The following ZNF329 variants were observed in gnomAD, a reference collection of about 807,000 sequenced individuals.
ZNF329 encodes zinc finger protein 329.
A neutral mutation model predicts 26.6 loss-of-function variants in ZNF329; 15 were observed. The observed-to-expected ratio is 0.56, with a 90% CI of 0.38 to 0.87. The LOEUF is 0.87. Among genes scored for constraint, ZNF329 ranks in the 40% least tolerant of loss-of-function variants. The pLI is 0.00. For synonymous variants in ZNF329, 239 were observed against 233.5 expected, an observed-to-expected ratio of 1.02 and a Z score of -0.21; for missense variants, 651 against 651.9, an observed-to-expected ratio of 1.00 and a Z score of 0.02.
chr19:58,138,347 G>A (rs190024286), intron 3 of ZNF329, among the ~76,000 whole-genome samples: 2 of 152,310 alleles, frequency 1.3e-5, no homozygotes, highest in Middle Eastern at 3.4e-3. Flanking sequence ...TAGGGTCATA[G>A]GAAATTAATG....
rs1335729765 is a variant in ZNF329 at position 58,144,384 on chromosome 19, A to ATCTATCTATC, written c.-207-1187_-207-1186insGATAGATAGA. On this transcript the variant is annotated intron_variant, in intron 1 of 3. Coordinates refer to ENST00000598312, the MANE Select transcript of ZNF329 (RefSeq NM_024620.4). Reference sequence around the variant, plus strand: ...TCTATCTATCTATCTATCTATCTATATATATATATATATTTTTTTTTTGAG... The same window carrying ATCTATCTATC: ...TCTATCTATCTATCTATCTATCTATATCTATCTATCTATATATATATATTTTTTTTTTGAG... Among the ~76,000 whole-genome samples, 567 of 75,066 alleles carry ATCTATCTATC rather than the reference A, an allele frequency of 7.6e-3. 2 individuals are homozygous for ATCTATCTATC. The highest frequency in any genetic ancestry group is 0.016 in the Middle Eastern group (2 of 122). The allele number at this position is 75,066 out of a possible 152,430, so 49.2% of individuals were successfully genotyped here. A position where few individuals can be genotyped will look rare whatever the true frequency, so the allele number is the denominator to read the frequency against.
At chr19:58,149,809 G>A (rs924040324) in intron 1 of ZNF329, among the ~76,000 whole-genome samples, 1 of 152,076 alleles carries the variant, frequency 6.6e-6, no homozygotes, top group Non-Finnish European at 1.5e-5. Flanking sequence ...AATGGTACAG[G>A]GAATATCTGT....
chr19:58,133,055 G>A (rs1006184818), intron 3 of ZNF329, among the ~76,000 whole-genome samples: 3 of 151,978 alleles, frequency 2.0e-5, no homozygotes, highest in Admixed American at 1.3e-4. Context: ...CTCGTGATCC[G>A]CCCGCCTCAG....
At position 58,128,467 on chromosome 19, in the gene ZNF329, C is replaced by G. The variant is rs757639905; in HGVS notation, c.1037G>C (p.Ser346Thr). Residue 346 changes from serine (S) to threonine (T), a missense_variant, in exon 4 of 4, where the codon AGC becomes ACC. Ser to Thr is a moderately conservative substitution (Grantham distance 58). Coordinates refer to ENST00000598312, the MANE Select transcript of ZNF329 (RefSeq NM_024620.4). ...IHTGEKPYEC[S>T]KCGKAFRDGS... ...GTCCCGGAAAGCCTTTCCACATTTG[C>G]TACACTCATAGGGCTTCTCACCGGT... 4 of 1,612,324 alleles carry G rather than the reference C, an allele frequency of 2.5e-6. No individual in the cohort carries two copies. In the South Asian group the frequency reaches 4.4e-5, roughly 18 times the overall value.
At chr19:58,146,833 G>A (rs948945265) in intron 1 of ZNF329, among the ~76,000 whole-genome samples, 1 of 151,820 alleles carries the variant, frequency 6.6e-6, no homozygotes, top group Non-Finnish European at 1.5e-5. Context: ...GATTGCAGAC[G>A]GAGTCTGGTT....
In ZNF329 at chr19:58,128,251, T is replaced by G; in HGVS notation, c.1253A>C (p.Gln418Pro). Residue 418 changes from glutamine to proline, a missense_variant, in exon 4 of 4, where the codon CAG (glutamine) becomes CCG (proline). By Grantham distance (76) the Gln-to-Pro change is moderately conservative (BLOSUM62 -1). Coordinates refer to ENST00000598312, the MANE Select transcript of ZNF329 (RefSeq NM_024620.4). ...GGGCTTCTCGCCAGTATGAATCCTCTGATGCCTGATGAGGTACGCACTCTC... is the reference window on the plus strand; with the variant it reads ...GGGCTTCTCGCCAGTATGAATCCTCGGATGCCTGATGAGGTACGCACTCTC... Reference protein sequence around the residue: ...FIESAYLIRHQRIHTGEKPYG... With the variant: ...FIESAYLIRHPRIHTGEKPYG... 6.2e-7 allele frequency: 1 copy of G among 1,601,184 alleles called. No individual in the cohort carries two copies. The highest frequency in any genetic ancestry group is 8.5e-7 in the Non-Finnish European group (1 of 1,173,406).
At chr19:58,154,494 G>C (rs2075510441), upstream of ZNF329, among the ~76,000 whole-genome samples, 2 of 152,164 alleles carry the variant, frequency 1.3e-5, no homozygotes, top group Admixed American at 1.3e-4. Flanking sequence ...TCTTCTTTCT[G>C]GTTGGTCTCC....
In ZNF329 at chr19:58,128,760, C is replaced by G; in HGVS notation, c.744G>C (p.Val248=). ...KSFSKNYNLI[V]HQRIHTGEKP... ...TCTCTCCTGTGTGGATTCTTTGATG[C>G]ACAATCAGGTTGTAGTTCTTGGAGA... The change falls in exon 4 of 4, where the codon GTG becomes GTC. Residue 248 remains valine (V), a synonymous_variant. Transcript: ENST00000598312. 6.2e-7 allele frequency: 1 copy of G among 1,603,228 alleles called. No homozygotes were observed. The highest frequency in any genetic ancestry group is 8.5e-7 in the Non-Finnish European group (1 of 1,175,196).
rs2075041534 is a variant in ZNF329, at chr19:58,135,385, C to A, written c.-8-5874G>T. Among the ~76,000 whole-genome samples, 3 of 152,156 alleles carry A rather than the reference C, an allele frequency of 2.0e-5. No individual in the cohort carries two copies. In the South Asian group the frequency reaches 6.2e-4, roughly 32 times the overall value. ...TCCCGGGTTCAAGCAGTTCTCCTGC[C>A]TCAGCCTCCCGAGATGGGATTACAG... On this transcript the variant is annotated intron_variant, in intron 3 of 3. Transcript: ENST00000598312.
Position 58,129,576 on chromosome 19 carries a change from T to C in ZNF329, c.-8-65A>G, listed in dbSNP as rs898975713. The C allele has an allele frequency of 5.2e-6, 7 of 1,341,440 alleles. No homozygotes were observed. In the African/African-American group the frequency reaches 8.8e-5, roughly 17 times the overall value. 83.1% of individuals were successfully genotyped at this position (1,341,440 alleles called of 1,614,324 possible). ...CTTTATCTGTAAGAGAAACAGACAA[T>C]GATGATGGGCTAGGTGTAAAGATGT... On this transcript the variant is annotated intron_variant, in intron 3 of 3. Coordinates refer to ENST00000598312, the MANE Select transcript of ZNF329 (RefSeq NM_024620.4).
In ZNF329 at chr19:58,127,778, A is replaced by G; in HGVS notation, c.*100T>C. 2 of 1,183,586 alleles carry G rather than the reference A, an allele frequency of 1.7e-6. No homozygotes were observed. Among genetic ancestry groups the G allele is most frequent in the Non-Finnish European group, 2.4e-6 (2 of 836,006 alleles). The allele number at this position is 1,183,586 out of a possible 1,614,324, so 73.3% of individuals were successfully genotyped here. The stretch of plus-strand genomic sequence containing the variant: ...ATTCATCAATTCACTGGATAGCTTA[A>G]AGGATTCTTTTCTACTGACCAGAGA... On this transcript the variant is annotated 3_prime_UTR_variant, in exon 4 of 4. Transcript: ENST00000598312.
At chr19:58,150,327 C>G (rs115899694) in intron 1 of ZNF329, among the ~76,000 whole-genome samples, 3,816 of 152,292 alleles carry the variant, frequency 0.025, 164 homozygotes, top group African/African-American at 0.087. Context: ...GAGGCCGACC[C>G]AAGCCTACAC....
Position 58,130,253 on chromosome 19 carries a change from G to A in ZNF329, c.-8-742C>T, listed in dbSNP as rs577606864. Among the ~76,000 whole-genome samples, 4 of 151,934 alleles carry A rather than the reference G, an allele frequency of 2.6e-5. No individual in the cohort carries two copies. In the South Asian group the frequency reaches 6.3e-4, roughly 24 times the overall value. ...CAGGAGAATCACTTCAACCTGGTAGGCAGAGGTTGCAGTGAGCTGAGATCA... is the reference window on the plus strand; with the variant it reads ...CAGGAGAATCACTTCAACCTGGTAGACAGAGGTTGCAGTGAGCTGAGATCA... On this transcript the variant is annotated intron_variant, in intron 3 of 3. Coordinates refer to ENST00000598312, the MANE Select transcript of ZNF329 (RefSeq NM_024620.4).
At chr19:58,136,599 G>A (rs1600068215) in intron 3 of ZNF329, 1 of 142,426 alleles carries the variant, frequency 7.0e-6, no homozygotes, top group Admixed American at 7.6e-5. Context: ...TATCCCTTGA[G>A]CCCAGAAGTT....
intron 3 of ZNF329, chr19:58,136,708 A>AGGGACTAAAGATGAAGTTACT (rs2075078187): frequency 1.4e-5 from 2 of 147,382 alleles, no homozygotes; most frequent in African/African-American, 5.1e-5. Context: ...AAAAAAAAAA[A>AGGGACTAAAGATGAAGTTACT]GGGACTAAAG....
intron 2 of ZNF329, 45 bp downstream of exon 2, chr19:58,143,060 A>G (rs1340155232): frequency 6.6e-6 from 1 of 152,322 alleles, no homozygotes; most frequent in Non-Finnish European, 1.5e-5. Flanking sequence ...AGGCCAGCTT[A>G]GACAATGTAG....
upstream of ZNF329, chr19:58,154,676 T>G (rs2075513505): frequency 1.4e-5 from 2 of 142,714 alleles, no homozygotes; most frequent in Non-Finnish European, 3.0e-5. Flanking sequence ...CTGCTGGGGG[T>G]GAGGGGGACT....
At chr19:58,137,213 G>C (rs2075091173) in intron 3 of ZNF329, among the ~76,000 whole-genome samples, 1 of 152,104 alleles carries the variant, frequency 6.6e-6, no homozygotes, top group African/African-American at 2.4e-5. Context: ...TTATGGGAAA[G>C]AACTATGGAC....
At chr19:58,148,975 T>C (rs745926527) in intron 1 of ZNF329, among the ~76,000 whole-genome samples, 106 of 152,320 alleles carry the variant, frequency 7.0e-4, no homozygotes, top group Admixed American at 1.8e-3. Flanking sequence ...CCTACTGGGC[T>C]GCATTTCCAG....
Sources: gnomAD v4.1 joint callset for allele counts (sites outside exome capture counted in the v4.1 genomes callset) on GRCh38, gnomAD v4.1.1 for gene constraint, MANE v1.5 for transcripts, NCBI Gene and HGNC (gene_info 2026-07-23, HGNC 2026-07-21) for gene names.